Variants in SKAP2 observed in about 807,000 individuals in gnomAD.
SKAP2 encodes src kinase-associated phosphoprotein 2.
In SKAP2, 28 loss-of-function variants were observed where a neutral mutation model predicts 54.9. The observed-to-expected ratio is 0.51, with a 90% CI of 0.38 to 0.70. The LOEUF is 0.70. SKAP2 is among the 30% of genes least tolerant of loss of function. SKAP2 has a pLI of 0.00. For missense variants in SKAP2, 356 were observed against 424.1 expected, an observed-to-expected ratio of 0.84 and a Z score of 1.41; for synonymous variants, 137 against 134.3, an observed-to-expected ratio of 1.02 and a Z score of -0.14.
intron 4 of SKAP2, among the ~76,000 whole-genome samples, chr7:26,810,526 T>C (rs1450333981): frequency 2.6e-5 from 4 of 152,150 alleles, no homozygotes; most frequent in African/African-American, 7.2e-5. Context: ...AACCTACTTA[T>C]ACTTGAAAAT....
At chr7:26,837,760 T>C (rs1584419448) in intron 4 of SKAP2, among the ~76,000 whole-genome samples, 1 of 146,904 alleles carries the variant, frequency 6.8e-6, no homozygotes, top group African/African-American at 2.4e-5. Flanking sequence ...CTACTGACCA[T>C]ACTTTGAGTA....
At chr7:26,744,693 C>A (rs937397014) in intron 4 of SKAP2, among the ~76,000 whole-genome samples, 1 of 151,956 alleles carries the variant, frequency 6.6e-6, no homozygotes, top group Non-Finnish European at 1.5e-5. Flanking sequence ...TCTTCCCTAA[C>A]ATTGATGTGT....
chr7:26,863,300 A>G (rs771362570), intron 1 of SKAP2, among the ~76,000 whole-genome samples: 7 of 152,194 alleles, frequency 4.6e-5, no homozygotes, highest in Non-Finnish European at 5.9e-5. Flanking sequence ...TTTAGATGAC[A>G]TTGCTTTTTA....
At chr7:26,785,475 C>T (rs1305198702) in intron 4 of SKAP2, among the ~76,000 whole-genome samples, 2 of 152,134 alleles carry the variant, frequency 1.3e-5, no homozygotes, top group Non-Finnish European at 2.9e-5. Flanking sequence ...CATGAGCCAT[C>T]GCGCCCGGCC....
At chr7:26,852,783 T>C (rs1409379221) in intron 3 of SKAP2, among the ~76,000 whole-genome samples, 2 of 152,134 alleles carry the variant, frequency 1.3e-5, no homozygotes, top group Admixed American at 1.3e-4. Context: ...AAATTTTAAA[T>C]GTACAAATAA....
intron 4 of SKAP2, among the ~76,000 whole-genome samples, chr7:26,786,415 A>G (rs1783545787): frequency 6.6e-6 from 1 of 152,230 alleles, no homozygotes; most frequent in Non-Finnish European, 1.5e-5. Context: ...AAACAGGCTA[A>G]TGGGATGGAG....
chr7:26,815,375 T>C (rs1203300602), intron 4 of SKAP2, among the ~76,000 whole-genome samples: 1 of 152,152 alleles, frequency 6.6e-6, no homozygotes, highest in Non-Finnish European at 1.5e-5. Context: ...ACACATAATA[T>C]AGGATTTGTT....
chr7:26,746,133 G>T (rs7783807), intron 4 of SKAP2, among the ~76,000 whole-genome samples: 20,527 of 152,012 alleles, frequency 0.14, 1,608 homozygotes, highest in African/African-American at 0.22. Context: ...TTCCAGTTGA[G>T]GTCCACTATC....
the SKAP2 span, among the ~76,000 whole-genome samples, chr7:26,655,248 T>C: frequency 6.6e-6 from 1 of 152,202 alleles, no homozygotes; most frequent in African/African-American, 2.4e-5. Context: ...AATCATGTTA[T>C]TGCAATTTAT....
intron 11 of SKAP2, among the ~76,000 whole-genome samples, chr7:26,678,140 T>G (rs545491262): frequency 6.6e-6 from 1 of 152,166 alleles, no homozygotes; most frequent in Non-Finnish European, 1.5e-5. Context: ...TATAACATCA[T>G]CTACTTCACA....
At chr7:26,699,711 T>G (rs1220197991) in intron 9 of SKAP2, among the ~76,000 whole-genome samples, 1 of 152,170 alleles carries the variant, frequency 6.6e-6, no homozygotes, top group Non-Finnish European at 1.5e-5. Context: ...CCTTGATAAT[T>G]TTTAAGATTG....
At chr7:26,699,852 A>G (rs1786984956) in intron 9 of SKAP2, among the ~76,000 whole-genome samples, 1 of 152,170 alleles carries the variant, frequency 6.6e-6, no homozygotes, top group African/African-American at 2.4e-5. Flanking sequence ...CTAGAACACT[A>G]TTTGATAATT....
chr7:26,750,459 C>T (rs913355751), intron 4 of SKAP2, among the ~76,000 whole-genome samples: 3 of 151,712 alleles, frequency 2.0e-5, no homozygotes, highest in Non-Finnish European at 2.9e-5. Flanking sequence ...TACAGGCATG[C>T]GCTACCATGC....
At chr7:26,779,592 C>T (rs1365848825) in intron 4 of SKAP2, among the ~76,000 whole-genome samples, 1 of 151,884 alleles carries the variant, frequency 6.6e-6, no homozygotes, top group African/African-American at 2.4e-5. Context: ...ATAAAATATA[C>T]TGTTTAAATT....
chr7:26,695,885 G>T (rs961056448), intron 9 of SKAP2, among the ~76,000 whole-genome samples: 52 of 152,286 alleles, frequency 3.4e-4, no homozygotes, highest in African/African-American at 1.1e-3. Context: ...GATGGAAGAG[G>T]TGACATGGGG....
At chr7:26,810,505 G>A (rs368836942) in intron 4 of SKAP2, among the ~76,000 whole-genome samples, 3 of 152,184 alleles carry the variant, frequency 2.0e-5, no homozygotes, top group Admixed American at 1.3e-4. Flanking sequence ...TGTACATCAC[G>A]GTGACTGCTT....
chr7:26,690,764 C>T (rs17154348), intron 9 of SKAP2, among the ~76,000 whole-genome samples: 5,535 of 152,126 alleles, frequency 0.036, 333 homozygotes, highest in African/African-American at 0.13. Context: ...AAAGTAACAC[C>T]CAGCGTTATA....
Position 26,857,310 on chromosome 7 carries a change from TAAAA to T in SKAP2, c.68-2424_68-2421del, listed in dbSNP as rs59046895. ...TGGAGAGAGTAGAAACTGCTTTGCTTAAAAAAAAAAAAAAAAAAAAAAAAACTTT... is the reference window on the plus strand; with the variant it reads ...TGGAGAGAGTAGAAACTGCTTTGCTTAAAAAAAAAAAAAAAAAAAAACTTT... On this transcript the variant is annotated intron_variant, in intron 1 of 12. Coordinates refer to ENST00000345317, the MANE Select transcript of SKAP2 (RefSeq NM_003930.5). 310 of 91,184 alleles carry T rather than the reference TAAAA, an allele frequency of 3.4e-3. 2 individuals carry two copies. Among genetic ancestry groups the T allele is most frequent in the East Asian group, 5.5e-3 (17 of 3,098 alleles). 5.6% of individuals were successfully genotyped at this position (91,184 alleles called of 1,614,324 possible).
intron 7 of SKAP2, among the ~76,000 whole-genome samples, chr7:26,726,266 T>C (rs908259470): frequency 2.4e-4 from 37 of 152,062 alleles, no homozygotes; most frequent in African/African-American, 8.7e-4. Context: ...TGAACAAAAT[T>C]TGCCCTTGAC....
Sources: allele counts gnomAD v4.1 joint callset (sites outside exome capture counted in the v4.1 genomes callset), GRCh38; gene constraint gnomAD v4.1.1; transcripts MANE v1.5; gene names NCBI Gene and HGNC (gene_info 2026-07-23, HGNC 2026-07-21).